Variants in RUNX1 observed in about 807,000 individuals in gnomAD.
RUNX1 encodes the protein runt-related transcription factor 1.
A neutral mutation model predicts 42.8 loss-of-function variants in RUNX1; 19 were observed. That is an observed-to-expected ratio of 0.44 (90% confidence interval 0.31 to 0.65). The LOEUF (loss-of-function observed/expected upper bound fraction) is 0.65, where lower values mean the gene tolerates loss of function less well. Ranked by LOEUF, RUNX1 falls within the 30% of genes least tolerant of loss-of-function variation. The pLI is 0.07. For synonymous variants in RUNX1, 271 were observed against 289.4 expected (o/e 0.94, Z 0.64); for missense variants, 528 against 672.0 (o/e 0.79, Z 2.37).
At chr21:34,944,250 T>G (rs1391255515) in intron 2 of RUNX1, among the ~76,000 whole-genome samples, 1 of 152,174 alleles carries the variant, frequency 6.6e-6, no homozygotes, top group Admixed American at 6.5e-5. Flanking sequence ...ACTCAAGCAG[T>G]CCTCCAGCTG....
At chr21:34,985,867 C>CTTTTTTTTTTTTTTTTTT (rs33913281) in intron 2 of RUNX1, among the ~76,000 whole-genome samples, 1 of 75,478 alleles carries the variant, frequency 1.3e-5, no homozygotes, top group Non-Finnish European at 2.6e-5. Context: ...TCTGACCAGA[C>CTTTTTTTTTTTTTTTTTT]TTTTTTTTTT....
intron 2 of RUNX1, among the ~76,000 whole-genome samples, chr21:34,916,460 G>A (rs1479143916): frequency 3.3e-5 from 5 of 152,276 alleles, no homozygotes; most frequent in Admixed American, 2.6e-4. Context: ...AAGTGGCAGT[G>A]TGATTACCAA....
intron 5 of RUNX1, among the ~76,000 whole-genome samples, chr21:34,867,451 G>C (rs1180568553): frequency 1.3e-5 from 2 of 151,890 alleles, no homozygotes; most frequent in Non-Finnish European, 2.9e-5. Context: ...AAAAATCAAT[G>C]AATCACTCTG....
intron 6 of RUNX1, among the ~76,000 whole-genome samples, chr21:34,847,448 A>C (rs1465228054): frequency 6.6e-6 from 1 of 150,830 alleles, no homozygotes; most frequent in Non-Finnish European, 1.5e-5. Flanking sequence ...TAAAATCCCT[A>C]AGATTTTAAT....
intron 7 of RUNX1, among the ~76,000 whole-genome samples, chr21:34,832,722 C>T (rs557818321): frequency 1.3e-5 from 2 of 152,228 alleles, no homozygotes; most frequent in African/African-American, 2.4e-5. Flanking sequence ...TACCATTTGA[C>T]TTAATTTACC....
chr21:34,985,658 G>T (rs2058880180), intron 2 of RUNX1, among the ~76,000 whole-genome samples: 1 of 152,152 alleles, frequency 6.6e-6, no homozygotes, highest in South Asian at 2.1e-4. Context: ...ATATTCCTCA[G>T]TGGACTTGGC....
intron 7 of RUNX1, 40 bp downstream of exon 7, chr21:34,834,370 G>A: frequency 6.3e-7 from 1 of 1,599,048 alleles, no homozygotes; most frequent in Non-Finnish European, 8.6e-7. Context: ...GGTGGCCCAG[G>A]TGCAGGAGAG....
At chr21:34,927,995 G>A (rs2058408756) in intron 2 of RUNX1, among the ~76,000 whole-genome samples, 1 of 152,150 alleles carries the variant, frequency 6.6e-6, no homozygotes, top group African/African-American at 2.4e-5. Flanking sequence ...TTGAGGGGTA[G>A]GACCCAGTCT....
intron 6 of RUNX1, among the ~76,000 whole-genome samples, chr21:34,841,114 T>C (rs1473929959): frequency 6.6e-6 from 1 of 152,194 alleles, no homozygotes. Flanking sequence ...ATGAGACATC[T>C]GCCCTGAATG....
intron 2 of RUNX1, among the ~76,000 whole-genome samples, chr21:34,978,823 T>C (rs1273655788): frequency 6.6e-6 from 1 of 152,164 alleles, no homozygotes; most frequent in Non-Finnish European, 1.5e-5. Context: ...GGAAGGCTTC[T>C]TTTTCTGATA....
At chr21:34,817,471 A>G (rs914360989) in intron 7 of RUNX1, among the ~76,000 whole-genome samples, 4 of 152,158 alleles carry the variant, frequency 2.6e-5, no homozygotes, top group Admixed American at 1.3e-4. Context: ...AATGGGGCTT[A>G]GTGCTTAAAT....
intron 2 of RUNX1, among the ~76,000 whole-genome samples, chr21:34,914,810 G>A (rs1403212792): frequency 6.6e-6 from 1 of 152,206 alleles, no homozygotes; most frequent in Non-Finnish European, 1.5e-5. Context: ...GCTGGCATTT[G>A]GATCTGCATG....
intron 2 of RUNX1, among the ~76,000 whole-genome samples, chr21:35,045,973 C>T (rs2059393406): frequency 1.3e-5 from 2 of 152,156 alleles, no homozygotes; most frequent in African/African-American, 4.8e-5. Context: ...CTTCTAAGAA[C>T]AAGGCTACCT....
rs149425948 is a variant in RUNX1 at position 34,818,366 on chromosome 21, G to A, written c.805+16044C>T. 2.3e-3 allele frequency among the ~76,000 whole-genome samples: 357 copies of A among 152,300 alleles called. 2 individuals carry two copies. Among genetic ancestry groups the A allele is most frequent in the African/African-American group, 7.9e-3 (328 of 41,550 alleles). ...AAGGAGAAGTTTATTAAATAAGAGCGGGGGAAGGGAGGAGGGAGAAGGAGA... is the reference window on the plus strand; with the variant it reads ...AAGGAGAAGTTTATTAAATAAGAGCAGGGGAAGGGAGGAGGGAGAAGGAGA... On this transcript the variant is annotated intron_variant, in intron 7 of 8. Coordinates refer to ENST00000675419, the MANE Select transcript of RUNX1 (RefSeq NM_001754.5).
chr21:35,032,155 CAT>C (rs2059277613), intron 2 of RUNX1, among the ~76,000 whole-genome samples: 1 of 152,210 alleles, frequency 6.6e-6, no homozygotes, highest in Non-Finnish European at 1.5e-5. Context: ...AAGGAACACA[CAT>C]ATGTCATATC....
rs567898719 is a variant in RUNX1 at position 34,789,392 on chromosome 21, T to C, written c.*2743A>G. The stretch of plus-strand genomic sequence containing the variant: ...TAGTGAGAAAAAGAAAGAACTGAAA[T>C]ATGTATCCATGTTGAAATCATAAAT... On this transcript the variant is annotated 3_prime_UTR_variant, in exon 9 of 9. Transcript: ENST00000675419. The C allele has an allele frequency of 5.6e-5, 13 of 233,662 alleles. No individual in the cohort carries two copies. In the South Asian group the frequency reaches 2.0e-3, roughly 36 times the overall value. The allele number at this position is 233,662 out of a possible 1,614,324, so 14.5% of individuals were successfully genotyped here.
In RUNX1 at chr21:34,937,807, C is replaced by T. The variant is rs142323627; in HGVS notation, c.59-44844G>A. On this transcript the variant is annotated intron_variant, in intron 2 of 8. Transcript: ENST00000675419. Reference sequence around the variant, plus strand: ...TGATCCTAGTTTTCTCCTGCCTTTCCGGAGATTTTCAACAGAAAATGCCAG... The same window carrying T: ...TGATCCTAGTTTTCTCCTGCCTTTCTGGAGATTTTCAACAGAAAATGCCAG... Among the ~76,000 whole-genome samples, 222 of 152,154 alleles carry T rather than the reference C, an allele frequency of 1.5e-3. 1 individual carries two copies. Among genetic ancestry groups the T allele is most frequent in the African/African-American group, 4.4e-3 (184 of 41,518 alleles).
At chr21:34,881,843 T>G (rs548619377) in intron 4 of RUNX1, among the ~76,000 whole-genome samples, 4 of 152,360 alleles carry the variant, frequency 2.6e-5, no homozygotes, top group South Asian at 4.1e-4. Context: ...ACTATTTTCT[T>G]GGTCTAGACA....
At chr21:34,818,692 C>T (rs1026057075) in intron 7 of RUNX1, among the ~76,000 whole-genome samples, 18 of 152,350 alleles carry the variant, frequency 1.2e-4, no homozygotes, top group Admixed American at 1.0e-3. Flanking sequence ...AGGCTTAACA[C>T]ACACAACATA....
Sources: gnomAD v4.1 joint callset for allele counts (sites outside exome capture counted in the v4.1 genomes callset) on GRCh38, gnomAD v4.1.1 for gene constraint, MANE v1.5 for transcripts, NCBI Gene and HGNC (gene_info 2026-07-23, HGNC 2026-07-21) for gene names.